The following OSBPL6 variants were observed in gnomAD, a reference collection of about 807,000 sequenced individuals.
OSBPL6 encodes the protein oxysterol-binding protein-related protein 6.
In OSBPL6, 49 loss-of-function variants were observed where a neutral mutation model predicts 125.8. That is an observed-to-expected ratio of 0.39 (90% confidence interval 0.31 to 0.49). The LOEUF is 0.49. Among genes scored for constraint, OSBPL6 ranks in the 20% least tolerant of loss-of-function variants. The probability of loss-of-function intolerance (pLI) is 0.88; values close to 1 mark genes in which losing one functional copy is unlikely to be tolerated. For missense variants in OSBPL6, 986 were observed against 1,135.4 expected, an observed-to-expected ratio of 0.87 and a Z score of 1.89; for synonymous variants, 394 against 391.8, an observed-to-expected ratio of 1.01 and a Z score of -0.07.
chr2:178,244,872 T>G (rs1485819206), intron 1 of OSBPL6, among the ~76,000 whole-genome samples: 1 of 152,246 alleles, frequency 6.6e-6, no homozygotes, highest in East Asian at 1.9e-4. Flanking sequence ...ATGGGAAAAA[T>G]ATTTTCTCCA....
intron 13 of OSBPL6, among the ~76,000 whole-genome samples, chr2:178,370,721 A>G (rs996538358): frequency 2.0e-5 from 3 of 152,226 alleles, no homozygotes; most frequent in Admixed American, 6.5e-5. Context: ...TAATGACTGT[A>G]GAATCTGTAT....
Position 178,203,175 on chromosome 2 carries a change from CT to C in OSBPL6, c.-351+8503del, listed in dbSNP as rs527439360. 2.6e-5 allele frequency among the ~76,000 whole-genome samples: 4 copies of C among 152,222 alleles called. No individual in the cohort carries two copies. In the South Asian group the frequency reaches 8.3e-4, roughly 32 times the overall value. ...TAGTTTCTATTGCTGTGTCTTTACACTTAGTTTCTTTTAACTTTTTTCTTTT... is the reference window on the plus strand; with the variant it reads ...TAGTTTCTATTGCTGTGTCTTTACACTAGTTTCTTTTAACTTTTTTCTTTT... On this transcript the variant is annotated intron_variant, in intron 1 of 24. Transcript: ENST00000190611.
intron 3 of OSBPL6, chr2:178,323,827 G>C (rs1688464195): frequency 6.3e-6 from 1 of 158,544 alleles, no homozygotes. Context: ...GGAGAGATGA[G>C]CAAATATTTC....
chr2:178,300,821 G>A (rs1461938562), intron 2 of OSBPL6, among the ~76,000 whole-genome samples: 1 of 152,156 alleles, frequency 6.6e-6, no homozygotes. Flanking sequence ...AATGTAAAGG[G>A]AAATGGAAAT....
At chr2:178,352,081 T>C (rs1440110366) in intron 12 of OSBPL6, among the ~76,000 whole-genome samples, 1 of 152,086 alleles carries the variant, frequency 6.6e-6, no homozygotes, top group Non-Finnish European at 1.5e-5. Context: ...TTCCAAGATA[T>C]AGGAAAAACA....
At chr2:178,330,153 C>T (rs757316133) in intron 5 of OSBPL6, among the ~76,000 whole-genome samples, 4 of 152,142 alleles carry the variant, frequency 2.6e-5, no homozygotes, top group Non-Finnish European at 5.9e-5. Flanking sequence ...GATGGCCTTG[C>T]TAATCTCTTT....
At chr2:178,218,352 G>A (rs1272657733) in intron 1 of OSBPL6, among the ~76,000 whole-genome samples, 1 of 150,230 alleles carries the variant, frequency 6.7e-6, no homozygotes, top group African/African-American at 2.5e-5. Flanking sequence ...CTTGTTGGGT[G>A]AGTCCTTCTT....
chr2:178,313,042 C>A (rs181668756), intron 3 of OSBPL6, among the ~76,000 whole-genome samples: 1 of 152,054 alleles, frequency 6.6e-6, no homozygotes, highest in Non-Finnish European at 1.5e-5. Context: ...ATTACAGGCG[C>A]CCAACACCAC....
At chr2:178,368,867 TGGCTC>T (rs1161006707) in intron 13 of OSBPL6, among the ~76,000 whole-genome samples, 19 of 151,914 alleles carry the variant, frequency 1.3e-4, no homozygotes, top group Admixed American at 1.2e-3. Flanking sequence ...GACACAGTCT[TGGCTC>T]AGTGCAGCCT....
chr2:178,203,156 C>CTT (rs1413035953), intron 1 of OSBPL6, among the ~76,000 whole-genome samples: 1 of 152,108 alleles, frequency 6.6e-6, no homozygotes, highest in Non-Finnish European at 1.5e-5. Flanking sequence ...TGGATAGTTT[C>CTT]TATTGCTGTG....
At chr2:178,312,032 A>AGTGCAGTG (rs1214994937) in intron 3 of OSBPL6, among the ~76,000 whole-genome samples, 11 of 152,222 alleles carry the variant, frequency 7.2e-5, no homozygotes, top group Admixed American at 5.9e-4. Context: ...CCCAGGCTGG[A>AGTGCAGTG]GTGCAGTGGT....
At chr2:178,216,366 G>T (rs1364614820) in intron 1 of OSBPL6, among the ~76,000 whole-genome samples, 2 of 152,170 alleles carry the variant, frequency 1.3e-5, no homozygotes, top group East Asian at 1.9e-4. Context: ...TTATAAAAAG[G>T]CAAGTATGAA....
chr2:178,292,240 T>G (rs1246152388), intron 2 of OSBPL6, among the ~76,000 whole-genome samples: 1 of 152,202 alleles, frequency 6.6e-6, no homozygotes, highest in African/African-American at 2.4e-5. Flanking sequence ...ATTTGTGAAT[T>G]ATTTTTCAAA....
chr2:178,279,259 G>C (rs1683885458), intron 1 of OSBPL6, among the ~76,000 whole-genome samples: 1 of 152,186 alleles, frequency 6.6e-6, no homozygotes, highest in South Asian at 2.1e-4. Context: ...GAATAAGAAA[G>C]GAGAGGAATG....
chr2:178,306,516 G>A (rs542856807), intron 3 of OSBPL6, among the ~76,000 whole-genome samples: 12 of 152,166 alleles, frequency 7.9e-5, no homozygotes, highest in Non-Finnish European at 1.3e-4. Flanking sequence ...TGGTAGGGTG[G>A]CTATGAGAAG....
chr2:178,331,451 C>A, intron 5 of OSBPL6, 101 bp from the exon 6 acceptor site: 1 of 1,207,662 alleles, frequency 8.3e-7, no homozygotes. Context: ...AATGATCAAA[C>A]ATATTGATTA....
intron 1 of OSBPL6, among the ~76,000 whole-genome samples, chr2:178,267,241 C>T (rs181256629): frequency 6.2e-4 from 94 of 151,148 alleles, no homozygotes; most frequent in Non-Finnish European, 1.0e-4. Flanking sequence ...GTAGTCCCAG[C>T]TACTCAGGAG....
At chr2:178,386,724 GAC>G (rs10578361) in intron 19 of OSBPL6, among the ~76,000 whole-genome samples, 58,204 of 144,494 alleles carry the variant, frequency 0.4, 11,355 homozygotes, top group East Asian at 0.63. Flanking sequence ...CACACACACA[GAC>G]ACACACACAC....
At position 178,361,825 on chromosome 2, in the gene OSBPL6, G is replaced by A; in HGVS notation, c.1287+10G>A. The stretch of plus-strand genomic sequence containing the variant: ...ACAGTCACTGTCTCAGGTAGGCAAA[G>A]AGTGTGTGTTTGCATGTACATGACA... On this transcript the variant is annotated intron_variant, in intron 13 of 24. Coordinates refer to ENST00000190611, the MANE Select transcript of OSBPL6 (RefSeq NM_032523.4). 6.2e-7 allele frequency: 1 copy of A among 1,613,834 alleles called. No individual in the cohort carries two copies. The highest frequency in any genetic ancestry group is 1.1e-5 in the South Asian group (1 of 91,060).
Sources: allele counts gnomAD v4.1 joint callset (sites outside exome capture counted in the v4.1 genomes callset), GRCh38; gene constraint gnomAD v4.1.1; transcripts MANE v1.5; gene names NCBI Gene and HGNC (gene_info 2026-07-23, HGNC 2026-07-21).